Variants in ARHGAP15 observed in about 807,000 individuals in gnomAD.
ARHGAP15 encodes the protein rho GTPase-activating protein 15.
ARHGAP15 carries 51 observed loss-of-function variants against 63.7 expected under a neutral mutation model. The ratio of observed to expected loss-of-function variants is 0.80; its 90% CI spans 0.64 to 1.01. The LOEUF (loss-of-function observed/expected upper bound fraction) is 1.01, where lower values mean the gene tolerates loss of function less well. ARHGAP15 is among the 50% of genes least tolerant of loss of function. The pLI, the probability that ARHGAP15 is intolerant of heterozygous loss-of-function variation, is 0.00. For missense variants in ARHGAP15, 560 were observed against 564.6 expected, an observed-to-expected ratio of 0.99 and a Z score of 0.08; for synonymous variants, 191 against 193.8, an observed-to-expected ratio of 0.99 and a Z score of 0.12.
chr2:143,201,748 G>C (rs12467227), intron 2 of ARHGAP15, among the ~76,000 whole-genome samples: 41,803 of 152,030 alleles, frequency 0.27, 6,637 homozygotes, highest in East Asian at 0.46. Flanking sequence ...AAGAGTGAAG[G>C]TTCTCAGAGG....
At chr2:143,426,382 A>G (rs1375337457) in intron 6 of ARHGAP15, among the ~76,000 whole-genome samples, 1 of 152,154 alleles carries the variant, frequency 6.6e-6, no homozygotes, top group Non-Finnish European at 1.5e-5. Flanking sequence ...GAGAAGTAGC[A>G]GACAGATGTG....
At chr2:143,646,993 G>T (rs1680910445) in intron 12 of ARHGAP15, among the ~76,000 whole-genome samples, 1 of 151,886 alleles carries the variant, frequency 6.6e-6, no homozygotes, top group Non-Finnish European at 1.5e-5. Flanking sequence ...TTTTCCAAGA[G>T]AAATGGCACA....
chr2:143,466,071 C>A (rs113369012), intron 8 of ARHGAP15, among the ~76,000 whole-genome samples: 1,942 of 150,604 alleles, frequency 0.013, 30 homozygotes, highest in African/African-American at 0.043. Context: ...TTTTTATTTT[C>A]TTTGTAGTTT....
intron 10 of ARHGAP15, among the ~76,000 whole-genome samples, chr2:143,554,857 G>A (rs140724945): frequency 7.0e-4 from 106 of 152,088 alleles, no homozygotes; most frequent in African/African-American, 2.0e-3. Context: ...TGTGCATCAC[G>A]AAGAAAAAAT....
intron 12 of ARHGAP15, among the ~76,000 whole-genome samples, chr2:143,635,273 G>A (rs537141284): frequency 3.3e-4 from 40 of 119,514 alleles, no homozygotes; most frequent in African/African-American, 1.1e-3. Flanking sequence ...GGCTGGTCTC[G>A]AACTCCCGGA....
chr2:143,618,231 T>A (rs1698519318), intron 11 of ARHGAP15, among the ~76,000 whole-genome samples: 1 of 152,242 alleles, frequency 6.6e-6, no homozygotes, highest in African/African-American at 2.4e-5. Flanking sequence ...TTCCTTTAAA[T>A]ACTAAACTAA....
chr2:143,378,818 T>C (rs1366050717), intron 6 of ARHGAP15, among the ~76,000 whole-genome samples: 3 of 152,060 alleles, frequency 2.0e-5, no homozygotes, highest in Admixed American at 1.3e-4. Context: ...AACTGGATAA[T>C]CAATCTCTAA....
Position 143,137,569 on chromosome 2 carries a change from A to T in ARHGAP15, c.-15+8103A>T, listed in dbSNP as rs354723. ...TGTATCCATTATATGCTTCTGAAAA[A>T]TGGAACAAATAACCCACCAGCTGAA... is the stretch of plus-strand genomic sequence containing the variant. On this transcript the variant is annotated intron_variant, in intron 1 of 13. Coordinates refer to ENST00000295095, the MANE Select transcript of ARHGAP15 (RefSeq NM_018460.4). 3.6e-3 allele frequency among the ~76,000 whole-genome samples: 545 copies of T among 152,222 alleles called. 2 individuals carry two copies. Among genetic ancestry groups the T allele is most frequent in the Non-Finnish European group, 3.8e-3 (257 of 67,944 alleles).
intron 2 of ARHGAP15, among the ~76,000 whole-genome samples, chr2:143,189,222 C>T (rs927167756): frequency 6.6e-6 from 1 of 152,064 alleles, no homozygotes; most frequent in Admixed American, 6.6e-5. Context: ...AGTGATTGTT[C>T]CCCCTTCCTC....
intron 6 of ARHGAP15, among the ~76,000 whole-genome samples, chr2:143,303,482 A>C (rs1028818998): frequency 6.6e-6 from 1 of 152,142 alleles, no homozygotes; most frequent in Non-Finnish European, 1.5e-5. Flanking sequence ...TGGATTAAAG[A>C]CTTAAATGTT....
At chr2:143,223,218 C>T (rs1188448746) in intron 4 of ARHGAP15, among the ~76,000 whole-genome samples, 1 of 152,186 alleles carries the variant, frequency 6.6e-6, no homozygotes, top group Non-Finnish European at 1.5e-5. Context: ...AAGTGATCAA[C>T]CTGCCTCAGC....
At chr2:143,170,516 G>T (rs1308073118) in intron 2 of ARHGAP15, among the ~76,000 whole-genome samples, 1 of 152,072 alleles carries the variant, frequency 6.6e-6, no homozygotes, top group Non-Finnish European at 1.5e-5. Flanking sequence ...ACATGCTGGG[G>T]CACACTCTGT....
chr2:143,496,967 A>G (rs1221968148), intron 9 of ARHGAP15, among the ~76,000 whole-genome samples: 1 of 152,166 alleles, frequency 6.6e-6, no homozygotes, highest in African/African-American at 2.4e-5. Flanking sequence ...GGCATGCCCT[A>G]TAGGGTTACA....
chr2:143,397,426 A>G (rs13026403), intron 6 of ARHGAP15, among the ~76,000 whole-genome samples: 123,263 of 151,504 alleles, frequency 0.81, 50,385 homozygotes, highest in East Asian at 0.94. Flanking sequence ...GTTTTGCATG[A>G]ACAATTTTTT....
At chr2:143,329,319 T>A (rs1437015591) in intron 6 of ARHGAP15, among the ~76,000 whole-genome samples, 2 of 152,218 alleles carry the variant, frequency 1.3e-5, no homozygotes, top group Admixed American at 1.3e-4. Flanking sequence ...CCTCATTTCA[T>A]CATGTAAGTT....
intron 6 of ARHGAP15, among the ~76,000 whole-genome samples, chr2:143,340,648 C>CAGGG (rs1685018905): frequency 6.6e-6 from 1 of 151,784 alleles, no homozygotes; most frequent in Non-Finnish European, 1.5e-5. Context: ...TTGGAAAACT[C>CAGGG]AGGGTGTCAT....
intron 10 of ARHGAP15, among the ~76,000 whole-genome samples, chr2:143,528,405 C>T (rs555580937): frequency 6.5e-4 from 99 of 152,006 alleles, no homozygotes; most frequent in African/African-American, 2.1e-3. Context: ...CCATGTACCT[C>T]TCAGGAAATT....
In ARHGAP15 at chr2:143,435,610, G is replaced by A; in HGVS notation, c.484G>A (p.Val162Ile). ...TTTTTTTTTTTTGCAGATCACAACAGTATCAGGAAATGAGTTCCTTCTACA... is the reference window on the plus strand; with the variant it reads ...TTTTTTTTTTTTGCAGATCACAACAATATCAGGAAATGAGTTCCTTCTACA... ...SRKNVFQITTVSGNEFLLQSD... is the reference protein window; with the variant it reads ...SRKNVFQITTISGNEFLLQSD... Residue 162 changes from valine to isoleucine, a missense_variant, in exon 7 of 14, where the codon GTA (valine) becomes ATA (isoleucine). Val to Ile is a conservative substitution (Grantham distance 29). Transcript: ENST00000295095. 2 of 1,515,332 alleles carry A rather than the reference G, an allele frequency of 1.3e-6. No homozygotes were observed. The highest frequency in any genetic ancestry group is 1.8e-6 in the Non-Finnish European group (2 of 1,125,546). The allele number at this position is 1,515,332 out of a possible 1,614,324, so 93.9% of individuals were successfully genotyped here. A position where few individuals can be genotyped will look rare whatever the true frequency, so the allele number is the denominator to read the frequency against.
intron 12 of ARHGAP15, among the ~76,000 whole-genome samples, chr2:143,664,182 G>T (rs1682013349): frequency 6.6e-6 from 1 of 152,054 alleles, no homozygotes; most frequent in Non-Finnish European, 1.5e-5. Flanking sequence ...GCTCTCCTCA[G>T]CAAACGTAAA....
Sources: allele counts gnomAD v4.1 joint callset (sites outside exome capture counted in the v4.1 genomes callset), GRCh38; gene constraint gnomAD v4.1.1; transcripts MANE v1.5; gene names NCBI Gene and HGNC (gene_info 2026-07-23, HGNC 2026-07-21).